DUSP10: variants seen among roughly 807,000 people sequenced by gnomAD.
The protein encoded by DUSP10 is dual specificity protein phosphatase 10.
Under a neutral mutation model 30.8 loss-of-function variants are expected in DUSP10, and 14 were observed. That is an observed-to-expected ratio of 0.46 (90% confidence interval 0.30 to 0.71). The LOEUF is 0.71. DUSP10 is among the 30% of genes least tolerant of loss of function. The pLI, the probability that DUSP10 is intolerant of heterozygous loss-of-function variation, is 0.08. For synonymous variants in DUSP10, 254 were observed against 250.4 expected (o/e 1.01, Z -0.14); for missense variants, 550 against 619.4 (o/e 0.89, Z 1.19).
chr1:221,738,899 C>G (rs1490363556), intron 2 of DUSP10, 35 bp downstream of exon 2: 3 of 1,560,408 alleles, frequency 1.9e-6, no homozygotes, highest in Non-Finnish European at 2.6e-6. Context: ...CCCGGCTAAT[C>G]AGGACCGTGC....
In DUSP10 at chr1:221,706,580, T is replaced by C. The variant is rs532604346; in HGVS notation, c.812-114A>G. On this transcript the variant is annotated intron_variant, in intron 2 of 3. Transcript: ENST00000366899. The surrounding 1 kb of genome is among the most constrained non-coding windows in gnomAD (Gnocchi z 4.6). ...AGCTCATGCATATTTTAAATACATA[T>C]ATAAATATGTATTTAAGCAAAAAAA... 67 of 651,250 alleles carry C rather than the reference T, an allele frequency of 1.0e-4. No homozygotes were observed. The highest frequency in any genetic ancestry group is 9.3e-4 in the African/African-American group (49 of 52,592). 40.3% of individuals were successfully genotyped at this position (651,250 alleles called of 1,614,324 possible).
At position 221,731,229 on chromosome 1, in the gene DUSP10, C is replaced by T. The variant is rs556589363; in HGVS notation, c.811+7705G>A. Among the ~76,000 whole-genome samples the T allele has an allele frequency of 1.2e-4, 19 of 152,238 alleles. No homozygotes were observed. In the East Asian group the frequency reaches 3.3e-3, roughly 26 times the overall value. ...TCTTAGAGACAGGTTTTCATCCCAC[C>T]CCTGTCCCTTATACTGGTTTTTAAT... On this transcript the variant is annotated intron_variant, in intron 2 of 3. Coordinates refer to ENST00000366899, the MANE Select transcript of DUSP10 (RefSeq NM_007207.6).
chr1:221,739,927 T>C (rs1038346736), intron 1 of DUSP10, 140 bp from the exon 2 acceptor site: 1 of 860,416 alleles, frequency 1.2e-6, no homozygotes, highest in Non-Finnish European at 1.6e-6. Context: ...TTATCAAAAC[T>C]TGAAATTCAT....
chr1:221,735,409 T>C (rs1410992916), intron 2 of DUSP10, among the ~76,000 whole-genome samples: 1 of 152,196 alleles, frequency 6.6e-6, no homozygotes, highest in African/African-American at 2.4e-5. Context: ...TGAAAAGCAC[T>C]TAAAAATGGG....
In DUSP10 at chr1:221,737,486, C is replaced by T. The variant is rs575103088; in HGVS notation, c.811+1448G>A. The T allele has an allele frequency of 5.6e-4, 548 of 984,842 alleles. 1 individual carries two copies. Among genetic ancestry groups the T allele is most frequent in the Non-Finnish European group, 6.4e-4 (528 of 829,394 alleles). The allele number at this position is 984,842 out of a possible 1,614,324, so 61.0% of individuals were successfully genotyped here. Reference sequence around the variant, plus strand: ...AATACAGAAACAATAAAATACAGAGCTATATGGAGGAAATCTGAACATATT... The same window carrying T: ...AATACAGAAACAATAAAATACAGAGTTATATGGAGGAAATCTGAACATATT... On this transcript the variant is annotated intron_variant, in intron 2 of 3. Transcript: ENST00000366899.
intron 2 of DUSP10, among the ~76,000 whole-genome samples, chr1:221,731,441 C>T (rs1345438208): frequency 6.6e-6 from 1 of 152,024 alleles, no homozygotes; most frequent in Non-Finnish European, 1.5e-5. Flanking sequence ...GTTTCACTCT[C>T]CCACACAGAG....
intron 1 of DUSP10, among the ~76,000 whole-genome samples, chr1:221,741,362 G>T (rs1428460005): frequency 1.3e-5 from 2 of 152,152 alleles, no homozygotes; most frequent in African/African-American, 4.8e-5. Context: ...ACGCATAAGC[G>T]TGTTCACAGA....
In DUSP10 at chr1:221,704,971, T is replaced by A. The variant is rs138355731; in HGVS notation, c.1183+1124A>T. ...ACCCCACTCCACTTAACTGTATTCT[T>A]CCTGGAATAACAACCTGCTGTAATA... On this transcript the variant is annotated intron_variant, in intron 3 of 3. Transcript: ENST00000366899. Among the ~76,000 whole-genome samples the A allele has an allele frequency of 1.7e-4, 26 of 152,260 alleles. No homozygotes were observed. The East Asian group carries it at 5.0e-3, about 29-fold the overall frequency.
intron 2 of DUSP10, among the ~76,000 whole-genome samples, chr1:221,738,606 G>C (rs1456060520): frequency 6.6e-6 from 1 of 152,218 alleles, no homozygotes; most frequent in Non-Finnish European, 1.5e-5. Context: ...AGAGCTAGCA[G>C]ACCAGGCATG....
At chr1:221,717,467 AGAG>A (rs1661139888) in intron 2 of DUSP10, among the ~76,000 whole-genome samples, 1 of 152,096 alleles carries the variant, frequency 6.6e-6, no homozygotes, top group African/African-American at 2.4e-5. Context: ...ACAGAGAGAG[AGAG>A]AGAGAGAGAA....
At chr1:221,715,482 T>G (rs1571815295) in intron 2 of DUSP10, among the ~76,000 whole-genome samples, 1 of 151,996 alleles carries the variant, frequency 6.6e-6, no homozygotes. Flanking sequence ...TGAAGGGAGG[T>G]GCAGTTCTCT....
Position 221,712,026 on chromosome 1 carries a change from CAT to C in DUSP10, c.812-5562_812-5561del, listed in dbSNP as rs751127118. 7.5e-4 allele frequency among the ~76,000 whole-genome samples: 114 copies of C among 152,278 alleles called. 2 individuals are homozygous for C. Among genetic ancestry groups the C allele is most frequent in the Middle Eastern group, 3.4e-3 (1 of 294 alleles). On this transcript the variant is annotated intron_variant, in intron 2 of 3. Transcript: ENST00000366899. ...ATATCACCTATCTTAACAGGAGAAA[CAT>C]GTGGGGTGGTGGTGGGTACCAGCTC...
rs117946768 is a variant in DUSP10, at chr1:221,738,118, C to T, written c.811+816G>A. On this transcript the variant is annotated intron_variant, in intron 2 of 3. Transcript: ENST00000366899. ...GGCTACTTGGAAAGGTTAGGCAACA[C>T]GGTATGGAAGGTGCTCCGAGAAGAG... is the stretch of plus-strand genomic sequence containing the variant. Among the ~76,000 whole-genome samples the T allele has an allele frequency of 6.5e-4, 99 of 152,302 alleles. 2 individuals carry two copies. The East Asian group carries it at 0.014, about 22-fold the overall frequency.
intron 2 of DUSP10, among the ~76,000 whole-genome samples, chr1:221,726,703 A>G (rs1295165370): frequency 4.7e-5 from 4 of 84,624 alleles, no homozygotes; most frequent in Non-Finnish European, 8.4e-5. Flanking sequence ...CTATTTCAGG[A>G]AAAAAAAAAA....
chr1:221,722,856 A>C (rs781113566), intron 2 of DUSP10, among the ~76,000 whole-genome samples: 1 of 152,222 alleles, frequency 6.6e-6, no homozygotes, highest in Non-Finnish European at 1.5e-5. Context: ...AACCAAAATA[A>C]ATAAAACACA....
intron 2 of DUSP10, among the ~76,000 whole-genome samples, chr1:221,728,706 T>A (rs1661493674): frequency 6.6e-6 from 1 of 152,236 alleles, no homozygotes; most frequent in Non-Finnish European, 1.5e-5. Context: ...GGACAGATAA[T>A]GAATATAAAG....
chr1:221,740,070 G>A (rs537730586), intron 1 of DUSP10, among the ~76,000 whole-genome samples: 1 of 152,316 alleles, frequency 6.6e-6, no homozygotes, highest in African/African-American at 2.4e-5. Flanking sequence ...AAGTTCAGCT[G>A]TAGAGAAGGT....
At chr1:221,704,051 C>A (rs1660687906) in intron 3 of DUSP10, among the ~76,000 whole-genome samples, 1 of 151,294 alleles carries the variant, frequency 6.6e-6, no homozygotes, top group African/African-American at 2.4e-5. Context: ...GAGTGCCTGG[C>A]TGGACCACCG....
At chr1:221,718,522 G>C (rs182011461) in intron 2 of DUSP10, among the ~76,000 whole-genome samples, 48 of 152,282 alleles carry the variant, frequency 3.2e-4, no homozygotes, top group African/African-American at 1.1e-3. Context: ...CAGGAGGAGA[G>C]TGCTATAAAA....
Sources: gnomAD v4.1 joint callset for allele counts (sites outside exome capture counted in the v4.1 genomes callset) on GRCh38, gnomAD v4.1.1 for gene constraint, Gnocchi (gnomAD v3.1) non-coding constraint, MANE v1.5 for transcripts, NCBI Gene and HGNC (gene_info 2026-07-23, HGNC 2026-07-21) for gene names.